The following CFH variants were observed in gnomAD, a reference collection of about 807,000 sequenced individuals.
CFH encodes H factor 1 (complement).
CFH carries 53 observed loss-of-function variants against 147.3 expected under a neutral mutation model. The observed-to-expected ratio is 0.36, with a 90% confidence interval of 0.29 to 0.45. CFH has a LOEUF of 0.45. CFH is among the 20% of genes least tolerant of loss of function. The probability of loss-of-function intolerance (pLI) is 1.00; values close to 1 mark genes in which losing one functional copy is unlikely to be tolerated. For synonymous variants in CFH, 536 were observed against 489.4 expected (o/e 1.10, Z -1.26); for missense variants, 1,380 against 1,498.0 (o/e 0.92, Z 1.30).
intron 20 of CFH, among the ~76,000 whole-genome samples, chr1:196,744,561 G>A (rs187285923): frequency 2.3e-4 from 35 of 152,028 alleles, no homozygotes; most frequent in African/African-American, 8.4e-4. Context: ...ACTGTCTACT[G>A]GCACTGACAT....
Position 196,673,151 on chromosome 1 carries a change from A to G in CFH, c.232A>G (p.Arg78Gly). 6.2e-7 allele frequency: 1 copy of G among 1,612,968 alleles called. No homozygotes were observed. The highest frequency in any genetic ancestry group is 8.5e-7 in the Non-Finnish European group (1 of 1,179,144). ...KGEWVALNPL[R>G]KCQKRPCGHP... ...AGAATGGGTTGCTCTTAATCCATTA[A>G]GGAAATGTCAGAGTAAGTACTTAAT... is the stretch of plus-strand genomic sequence containing the variant. The change falls in exon 2 of 22, where the codon AGG (arginine) becomes GGG (glycine). Residue 78 changes from arginine to glycine, a missense_variant. Arg to Gly is a moderately radical substitution (Grantham distance 125, BLOSUM62 -2). Around this residue, in one of 4 missense-constraint regions of CFH, gnomAD observed 260 missense variants for 263.3 expected, o/e 0.99. Coordinates refer to ENST00000367429, the MANE Select transcript of CFH (RefSeq NM_000186.4).
chr1:196,703,425 A>G (rs183613422), intron 9 of CFH, among the ~76,000 whole-genome samples: 21 of 152,272 alleles, frequency 1.4e-4, no homozygotes, highest in Admixed American at 2.6e-4. Context: ...GATACTAAAG[A>G]AAAAGACCAG....
At chr1:196,696,901 G>A (rs1021937393) in intron 9 of CFH, among the ~76,000 whole-genome samples, 1 of 152,068 alleles carries the variant, frequency 6.6e-6, no homozygotes, top group African/African-American at 2.4e-5. Context: ...ACAAGAAATG[G>A]GAAAAGGATT....
chr1:196,740,821 A>T (rs372923799), intron 18 of CFH, 29 bp downstream of exon 18: 28 of 1,599,260 alleles, frequency 1.8e-5, no homozygotes, highest in Non-Finnish European at 2.4e-5. Flanking sequence ...TATTATATGT[A>T]TGATAAATAT....
rs756624549 is a variant in CFH, at chr1:196,725,242, T to A, written c.1818T>A (p.Pro606=). 22 of 1,614,016 alleles carry A rather than the reference T, an allele frequency of 1.4e-5. No homozygotes were observed. Among genetic ancestry groups the A allele is most frequent in the Non-Finnish European group, 1.9e-5 (22 of 1,179,922 alleles). Residue 606 remains proline, a synonymous_variant, in exon 12 of 22, where the codon CCT becomes CCA. Transcript: ENST00000367429. ...AACCAGGATTTACAATAGTTGGACC[T>A]AATTCCGTTCAGTGCTACCACTTTG... The part of the protein sequence containing the change: ...SCKPGFTIVG[P]NSVQCYHFGL...
Position 196,741,958 on chromosome 1 carries a change from G to C in CFH, c.3040G>C (p.Val1014Leu). The change falls in exon 19 of 22, where the codon GTG becomes CTG. Residue 1014 changes from valine (V) to leucine (L), a missense_variant. Physicochemically the swap from Val to Leu is conservative, Grantham distance 32. This residue lies in a region of CFH where 830 missense variants were observed against 821.4 expected (regional missense o/e 1.01). Transcript: ENST00000367429. Reference sequence around the variant, plus strand: ...GGATGTGTATAAGGCGGGTGAGCAAGTGACTTACACTTGTGCAACATATTA... The same window carrying C: ...GGATGTGTATAAGGCGGGTGAGCAACTGACTTACACTTGTGCAACATATTA... ...KKDVYKAGEQ[V>L]TYTCATYYKM... 1 of 1,614,224 alleles carries C rather than the reference G, an allele frequency of 6.2e-7. No individual in the cohort carries two copies. Among genetic ancestry groups the C allele is most frequent in the Non-Finnish European group, 8.5e-7 (1 of 1,180,026 alleles).
chr1:196,694,236 ATGAG>A (rs1213642787), intron 9 of CFH, among the ~76,000 whole-genome samples: 1 of 151,980 alleles, frequency 6.6e-6, no homozygotes, highest in Non-Finnish European at 1.5e-5. Flanking sequence ...ACTCTCACTT[ATGAG>A]TGAGAATATG....
At chr1:196,664,224 T>C (rs1386636702) in intron 1 of CFH, among the ~76,000 whole-genome samples, 2 of 151,884 alleles carry the variant, frequency 1.3e-5, no homozygotes, top group Non-Finnish European at 2.9e-5. Context: ...GGTAACTAAT[T>C]TGTTTCTTTA....
intron 15 of CFH, among the ~76,000 whole-genome samples, chr1:196,730,542 T>A (rs2149110227): frequency 6.6e-6 from 1 of 151,868 alleles, no homozygotes; most frequent in East Asian, 1.9e-4. Flanking sequence ...TTGAGAAGAA[T>A]ATGTGTTTTT....
Position 196,745,481 on chromosome 1 carries a change from T to C in CFH, c.3311-336T>C, listed in dbSNP as rs1037634627. Among the ~76,000 whole-genome samples, 18 of 152,226 alleles carry C rather than the reference T, an allele frequency of 1.2e-4. 1 individual carries two copies. On this transcript the variant is annotated intron_variant, in intron 20 of 21. Transcript: ENST00000367429. ...TTGTCATACTTTTCCATTTTATAAT[T>C]CCTATGGGATTTTTCGAATATGAAA...
chr1:196,737,601 C>G lies in CFH; in HGVS notation c.2723C>G (p.Ser908Cys). ...SYTCEGGFRISEENETTCYMG... is the reference protein window; with the variant it reads ...SYTCEGGFRICEENETTCYMG... ...ACTTGTGAGGGTGGTTTCAGGATAT[C>G]TGAAGAAAATGAAACAACATGCTAC... The change falls in exon 17 of 22, where the codon TCT becomes TGT. Residue 908 changes from serine (S) to cysteine (C), a missense_variant. Ser to Cys is a moderately radical substitution (Grantham distance 112). Transcript: ENST00000367429. 1 of 1,613,358 alleles carries G rather than the reference C, an allele frequency of 6.2e-7. No individual in the cohort carries two copies. Among genetic ancestry groups the G allele is most frequent in the Non-Finnish European group, 8.5e-7 (1 of 1,179,618 alleles).
rs1174085731 is a variant in CFH, at chr1:196,692,790, CTTTCTTTCTTTCT to C, written c.1336+2554_1336+2566del. On this transcript the variant is annotated intron_variant, in intron 9 of 21. Transcript: ENST00000367429. ...TCTTTCTTTCTTTCTTTCTTTCTTTCTTTCTTTCTTTCTTTCTTTCTTTCTTTCTTTCTCTTTC... is the reference window on the plus strand; with the variant it reads ...TCTTTCTTTCTTTCTTTCTTTCTTTCTTCTTTCTTTCTTTCTTTCTCTTTC... Among the ~76,000 whole-genome samples the C allele has an allele frequency of 2.7e-4, 22 of 80,294 alleles. 1 individual carries two copies. The highest frequency in any genetic ancestry group is 1.2e-3 in the African/African-American group (22 of 17,972). The allele number at this position is 80,294 out of a possible 152,430, so 52.7% of individuals were successfully genotyped here. A position where few individuals can be genotyped will look rare whatever the true frequency, so the allele number is the denominator to read the frequency against.
chr1:196,721,712 G>A (rs555854771), intron 11 of CFH, among the ~76,000 whole-genome samples: 3 of 151,944 alleles, frequency 2.0e-5, no homozygotes, highest in Non-Finnish European at 4.4e-5. Context: ...AGCTCTAGTA[G>A]CATTTCATTT....
intron 19 of CFH, 112 bp downstream of exon 19, chr1:196,742,163 T>C (rs1652830686): frequency 1.0e-6 from 1 of 985,680 alleles, no homozygotes; most frequent in African/African-American, 1.6e-5. Flanking sequence ...TCACTTGAGG[T>C]CAGGAGTTCG....
intron 3 of CFH, 53 bp downstream of exon 3, chr1:196,674,015 C>T: frequency 8.5e-7 from 1 of 1,180,352 alleles, no homozygotes; most frequent in Non-Finnish European, 1.3e-6. Context: ...AATAGGAACT[C>T]TACTACTTTA....
chr1:196,731,154 T>G (rs981968519), intron 15 of CFH, among the ~76,000 whole-genome samples: 1 of 151,842 alleles, frequency 6.6e-6, no homozygotes, highest in African/African-American at 2.4e-5. Context: ...TTTGTTTCTT[T>G]CTTGCTTGCT....
At chr1:196,675,791 G>T (rs953008464) in intron 3 of CFH, among the ~76,000 whole-genome samples, 198 bp from the exon 4 acceptor site, 2 of 151,980 alleles carry the variant, frequency 1.3e-5, no homozygotes, top group Admixed American at 6.6e-5. Flanking sequence ...ATGTTCTAGA[G>T]AACGTTAAGA....
chr1:196,719,938 T>G (rs967644307), intron 11 of CFH, among the ~76,000 whole-genome samples: 2 of 151,648 alleles, frequency 1.3e-5, no homozygotes, highest in Non-Finnish European at 3.0e-5. Context: ...TTTTTTAACT[T>G]AAAATATATT....
At chr1:196,666,540 A>T (rs1050609721) in intron 1 of CFH, among the ~76,000 whole-genome samples, 4 of 151,808 alleles carry the variant, frequency 2.6e-5, no homozygotes, top group Non-Finnish European at 5.9e-5. Context: ...TAATCTCAGC[A>T]CTTTGGGAGG....
Sources: allele counts gnomAD v4.1 joint callset (sites outside exome capture counted in the v4.1 genomes callset), GRCh38; gene constraint gnomAD v4.1.1; regional missense constraint gnomAD v4.1.1; transcripts MANE v1.5; gene names NCBI Gene and HGNC (gene_info 2026-07-23, HGNC 2026-07-21).